Variants in SMARCA4 observed in about 807,000 individuals in gnomAD.
SMARCA4 encodes SWI/SNF related BAF chromatin remodeling complex subunit ATPase 4.
In SMARCA4, 31 loss-of-function variants were observed where a neutral mutation model predicts 193.9. That is an observed-to-expected ratio of 0.16 (90% CI 0.12 to 0.22). The LOEUF (loss-of-function observed/expected upper bound fraction) is 0.22. Among genes scored for constraint, SMARCA4 ranks in the 10% least tolerant of loss-of-function variants. The probability of loss-of-function intolerance (pLI) is 1.00; values close to 1 mark genes in which losing one functional copy is unlikely to be tolerated. For synonymous variants in SMARCA4, 942 were observed against 933.1 expected, an observed-to-expected ratio of 1.01 and a Z score of -0.17; for missense variants, 1,148 against 2,296.0, an observed-to-expected ratio of 0.50 and a Z score of 10.22.
intron 34 of SMARCA4, 63 bp downstream of exon 34, chr19:11,060,250 T>C: frequency 6.5e-7 from 1 of 1,539,934 alleles, no homozygotes; most frequent in Non-Finnish European, 8.8e-7. Context: ...GGGGCCCTGA[T>C]GGGACAGCCC....
intron 11 of SMARCA4, among the ~76,000 whole-genome samples, chr19:11,001,170 AC>A (rs1376313264): frequency 1.3e-5 from 2 of 151,902 alleles, no homozygotes; most frequent in African/African-American, 2.4e-5. Flanking sequence ...TCCTCCGAGG[AC>A]CTTTTTCTAA....
chr19:11,026,729 C>T (rs963156827), intron 23 of SMARCA4, among the ~76,000 whole-genome samples: 6 of 152,096 alleles, frequency 3.9e-5, no homozygotes, highest in African/African-American at 1.4e-4. Flanking sequence ...GAACTCCTGA[C>T]CTCAAGTGAT....
In SMARCA4 at chr19:11,033,477, C is replaced by T. The variant is rs797045984; in HGVS notation, c.3734C>T (p.Ala1245Val). 5.6e-6 allele frequency: 9 copies of T among 1,613,166 alleles called. No homozygotes were observed. Among genetic ancestry groups the T allele is most frequent in the Non-Finnish European group, 6.8e-6 (8 of 1,179,982 alleles). ...AAGTCCTCCAGCCATGAGCGGCGCG[C>T]CTTCCTGCAGGCCATCCTGGAGCAC... Reference protein sequence around the residue: ...DQKSSSHERRAFLQAILEHEE... With the variant: ...DQKSSSHERRVFLQAILEHEE... The change falls in exon 26 of 35, where the codon GCC becomes GTC. Residue 1245 changes from alanine to valine, a missense_variant. Physicochemically the swap from Ala to Val is moderately conservative, Grantham distance 64. This residue lies in a region of SMARCA4 where 13 missense variants were observed against 80.9 expected (regional missense o/e 0.16). Transcript: ENST00000344626. The surrounding 1 kb of genome is among the most constrained non-coding windows in gnomAD (Gnocchi z 9.8).
chr19:10,969,882 C>T (rs1275159799), intron 1 of SMARCA4, among the ~76,000 whole-genome samples: 1 of 152,168 alleles, frequency 6.6e-6, no homozygotes, highest in Non-Finnish European at 1.5e-5. Flanking sequence ...CTGGAACATT[C>T]TAGCAGCTCC....
Position 11,034,176 on chromosome 19 carries a change from C to T in SMARCA4, c.3927C>T (p.His1309=), listed in dbSNP as rs148495641. The part of the protein sequence containing the change: ...DETVNQMIAR[H]EEEFDLFMRM... ...CCGTCAACCAGATGATCGCCCGGCACGAGGAGGAGTTTGATCTGTTCATGG... is the reference window on the plus strand; with the variant it reads ...CCGTCAACCAGATGATCGCCCGGCATGAGGAGGAGTTTGATCTGTTCATGG... The change falls in exon 28 of 35, where the codon CAC becomes CAT. Residue 1309 remains histidine (H), a synonymous_variant. Coordinates refer to ENST00000344626, the MANE Select transcript of SMARCA4 (RefSeq NM_003072.5). This position sits in a 1 kb window ranked among gnomAD's most constrained non-coding sequence, Gnocchi z 7.0. The T allele has an allele frequency of 1.8e-4, 297 of 1,613,728 alleles. No homozygotes were observed. In the African/African-American group the frequency reaches 2.6e-3, roughly 14 times the overall value.
intron 6 of SMARCA4, 54 bp from the exon 7 acceptor site, chr19:10,989,263 A>G (rs2086339455): frequency 3.7e-6 from 6 of 1,611,202 alleles, no homozygotes; most frequent in Non-Finnish European, 4.2e-6. Context: ...TCCAGCTGTA[A>G]CTGGGTGCCC....
intron 30 of SMARCA4, among the ~76,000 whole-genome samples, chr19:11,055,330 C>T (rs956503835): frequency 2.0e-5 from 3 of 152,094 alleles, no homozygotes; most frequent in African/African-American, 4.8e-5. Context: ...GCTGGGATTG[C>T]AGGTGCCTGT....
Position 11,041,393 on chromosome 19 carries a change from C to T in SMARCA4, c.4257C>T (p.Ala1419=), listed in dbSNP as rs759313926. The change falls in exon 30 of 35, where the codon GCC becomes GCT. Residue 1419 remains alanine, a synonymous_variant. Coordinates refer to ENST00000344626, the MANE Select transcript of SMARCA4 (RefSeq NM_003072.5). This position sits in a 1 kb window ranked among gnomAD's most constrained non-coding sequence, Gnocchi z 5.6. ...SSRKRKRDSD[A]GSSTPTTSTR... The stretch of plus-strand genomic sequence containing the variant: ...GGAAGCGCAAGCGAGACAGCGACGC[C>T]GGCTCCTCCACCCCGACCACCAGCA... The T allele has an allele frequency of 1.6e-5, 26 of 1,612,388 alleles. No individual in the cohort carries two copies. The highest frequency in any genetic ancestry group is 1.7e-5 in the Non-Finnish European group (20 of 1,179,964).
chr19:10,997,556 T>A (rs1206455880), intron 11 of SMARCA4, among the ~76,000 whole-genome samples: 4 of 151,848 alleles, frequency 2.6e-5, no homozygotes, highest in African/African-American at 7.3e-5. Context: ...GAACTCCTGA[T>A]CTCAAGTGAT....
At chr19:11,032,429 G>A (rs1338836884) in intron 25 of SMARCA4, 1 of 152,414 alleles carries the variant, frequency 6.6e-6, no homozygotes, top group Non-Finnish European at 1.5e-5. Flanking sequence ...ATTTTGGGAG[G>A]CCGAGGTGGG....
At chr19:10,978,492 G>A (rs1035156837) in intron 1 of SMARCA4, among the ~76,000 whole-genome samples, 3 of 151,946 alleles carry the variant, frequency 2.0e-5, no homozygotes, top group African/African-American at 7.2e-5. Flanking sequence ...CACCCACCAC[G>A]CCTGGCTAAT....
rs751255835 is a variant in SMARCA4 at position 11,061,848 on chromosome 19, C to T, written c.*32C>T. On this transcript the variant is annotated 3_prime_UTR_variant, in exon 35 of 35. Transcript: ENST00000344626. ...ACATTCCAGTCTCGACCCCGAGCCC[C>T]TCGTTCCAGAGCTGAGATGGCATAG... is the stretch of plus-strand genomic sequence containing the variant. 4 of 1,610,862 alleles carry T rather than the reference C, an allele frequency of 2.5e-6. No homozygotes were observed. The highest frequency in any genetic ancestry group is 1.7e-5 in the Admixed American group (1 of 59,994).
intron 21 of SMARCA4, among the ~76,000 whole-genome samples, chr19:11,024,916 G>T (rs1180427410): frequency 6.6e-6 from 1 of 151,812 alleles, no homozygotes; most frequent in African/African-American, 2.4e-5. Context: ...CGTTGTGTCT[G>T]TGCCCCTTCT....
chr19:11,020,300 C>G (rs2089747419), intron 18 of SMARCA4, among the ~76,000 whole-genome samples: 1 of 152,166 alleles, frequency 6.6e-6, no homozygotes, highest in African/African-American at 2.4e-5. Flanking sequence ...AGACATAGCC[C>G]TCTGCCTCCA....
At chr19:11,060,266 G>A (rs2147130831) in intron 34 of SMARCA4, 79 bp downstream of exon 34, 1 of 1,514,240 alleles carries the variant, frequency 6.6e-7, no homozygotes. Flanking sequence ...AGCCCTGTGG[G>A]GCGGTGCTCC....
rs1311654792 is a variant in SMARCA4 at position 10,987,532 on chromosome 19, C to T, written c.860-134C>T. The T allele has an allele frequency of 6.1e-6, 6 of 990,466 alleles. No homozygotes were observed. Among genetic ancestry groups the T allele is most frequent in the East Asian group, 2.5e-5 (1 of 39,460 alleles). The allele number at this position is 990,466 out of a possible 1,614,324, so 61.4% of individuals were successfully genotyped here. On this transcript the variant is annotated intron_variant, in intron 5 of 34. Coordinates refer to ENST00000344626, the MANE Select transcript of SMARCA4 (RefSeq NM_003072.5). This position sits in a 1 kb window ranked among gnomAD's most constrained non-coding sequence, Gnocchi z 5.3. ...AGCCCAAGGCAGGTGTGAAGGACAC[C>T]CCTGGGTGAAAGGTGGGAGATGGGC...
At position 11,024,272 on chromosome 19, in the gene SMARCA4, G is replaced by C. The variant is rs184862438; in HGVS notation, c.2974-59G>C. On this transcript the variant is annotated intron_variant, in intron 20 of 34. Transcript: ENST00000344626. Reference sequence around the variant, plus strand: ...GAGGGGGTCAGAGCTGGGTTCGGATGGGGGGAGTCAGGCCTCAAGCCACCT... The same window carrying C: ...GAGGGGGTCAGAGCTGGGTTCGGATCGGGGGAGTCAGGCCTCAAGCCACCT... The C allele has an allele frequency of 5.1e-5, 60 of 1,178,678 alleles. 3 individuals carry two copies. In the Middle Eastern group the frequency reaches 5.7e-4, roughly 11 times the overall value. The allele number at this position is 1,178,678 out of a possible 1,614,324, so 73.0% of individuals were successfully genotyped here. A position where few individuals can be genotyped will look rare whatever the true frequency, so the allele number is the denominator to read the frequency against.
intron 29 of SMARCA4, chr19:11,039,482 GAC>G: frequency 6.2e-7 from 1 of 1,602,978 alleles, no homozygotes; most frequent in Non-Finnish European, 8.5e-7. Context: ...AGATATCCAT[GAC>G]ACAGCCAGCA....
chr19:11,017,198 G>A (rs1276802307), intron 16 of SMARCA4, among the ~76,000 whole-genome samples: 1 of 152,208 alleles, frequency 6.6e-6, no homozygotes, highest in East Asian at 1.9e-4. Context: ...CTGTGTGTGC[G>A]CCCATTCTCA....
Sources: gnomAD v4.1 joint callset for allele counts (sites outside exome capture counted in the v4.1 genomes callset) on GRCh38, gnomAD v4.1.1 for gene constraint, gnomAD v4.1.1 regional missense constraint, Gnocchi (gnomAD v3.1) non-coding constraint, MANE v1.5 for transcripts, NCBI Gene and HGNC (gene_info 2026-07-23, HGNC 2026-07-21) for gene names.